NKAIN2: variants seen among roughly 807,000 people sequenced by gnomAD.
The protein encoded by NKAIN2 is sodium/potassium transporting ATPase interacting 2.
NKAIN2 carries 14 observed loss-of-function variants against 32.6 expected under a neutral mutation model. That is an observed-to-expected ratio of 0.43 (90% confidence interval 0.28 to 0.67). The LOEUF is 0.67. Ranked by LOEUF, NKAIN2 falls within the 30% of genes least tolerant of loss-of-function variation. The pLI is 0.17. For missense variants in NKAIN2, 198 were observed against 258.3 expected, an observed-to-expected ratio of 0.77 and a Z score of 1.60; for synonymous variants, 80 against 87.2, an observed-to-expected ratio of 0.92 and a Z score of 0.46.
At chr6:124,628,247 C>A (rs1217727195) in intron 3 of NKAIN2, among the ~76,000 whole-genome samples, 1 of 149,740 alleles carries the variant, frequency 6.7e-6, no homozygotes, top group African/African-American at 2.5e-5. Context: ...ATCACTCAAC[C>A]AGACATGACC....
chr6:124,805,247 G>T (rs1415228116), intron 5 of NKAIN2, among the ~76,000 whole-genome samples: 1 of 152,198 alleles, frequency 6.6e-6, no homozygotes. Flanking sequence ...CCCCCCAGTA[G>T]GGGCAGACTG....
At chr6:124,606,051 TTAAAAG>T (rs1300570855) in intron 3 of NKAIN2, among the ~76,000 whole-genome samples, 1 of 152,090 alleles carries the variant, frequency 6.6e-6, no homozygotes, top group Non-Finnish European at 1.5e-5. Context: ...AGGAAAGACT[TTAAAAG>T]TAAAGATCTG....
intron 3 of NKAIN2, among the ~76,000 whole-genome samples, chr6:124,596,666 GTGTGT>G (rs1562275983): frequency 7.1e-5 from 6 of 84,484 alleles, no homozygotes; most frequent in African/African-American, 1.8e-4. Flanking sequence ...ACCATAGGGT[GTGTGT>G]GTGTGTGTGT....
chr6:124,511,876 T>C (rs1429558091), intron 3 of NKAIN2, among the ~76,000 whole-genome samples: 1 of 152,178 alleles, frequency 6.6e-6, no homozygotes, highest in African/African-American at 2.4e-5. Flanking sequence ...TGAATAGTCA[T>C]TTGCTCATTT....
At chr6:124,764,684 C>G (rs1778431070) in intron 4 of NKAIN2, among the ~76,000 whole-genome samples, 1 of 152,114 alleles carries the variant, frequency 6.6e-6, no homozygotes, top group Non-Finnish European at 1.5e-5. Context: ...CCATCTATTT[C>G]TGTATTTATC....
At chr6:124,570,666 G>T (rs1331820722) in intron 3 of NKAIN2, among the ~76,000 whole-genome samples, 1 of 152,242 alleles carries the variant, frequency 6.6e-6, no homozygotes, top group East Asian at 1.9e-4. Context: ...GGAAAAGCCT[G>T]GATGCCCAGG....
At chr6:124,121,342 AT>A (rs1335774560) in intron 1 of NKAIN2, among the ~76,000 whole-genome samples, 1 of 152,112 alleles carries the variant, frequency 6.6e-6, no homozygotes, top group Non-Finnish European at 1.5e-5. Context: ...AATACACAAA[AT>A]AATTATAAAA....
At chr6:123,838,749 C>T (rs957412219) in intron 1 of NKAIN2, among the ~76,000 whole-genome samples, 1 of 152,096 alleles carries the variant, frequency 6.6e-6, no homozygotes, top group African/African-American at 2.4e-5. Context: ...GTCAGGGGAC[C>T]AGCGCATCTT....
chr6:123,864,942 C>T (rs1232925662), intron 1 of NKAIN2, among the ~76,000 whole-genome samples: 2 of 152,054 alleles, frequency 1.3e-5, no homozygotes, highest in Admixed American at 1.3e-4. Flanking sequence ...ATTATCTGTG[C>T]TTTTGTTGAG....
At chr6:124,107,035 G>A (rs1039822670) in intron 1 of NKAIN2, among the ~76,000 whole-genome samples, 13 of 152,262 alleles carry the variant, frequency 8.5e-5, no homozygotes, top group South Asian at 8.3e-4. Flanking sequence ...TTTTAATAGG[G>A]TAGTCAGGTA....
At chr6:124,584,849 A>G (rs143134760) in intron 3 of NKAIN2, among the ~76,000 whole-genome samples, 67 of 148,494 alleles carry the variant, frequency 4.5e-4, no homozygotes, top group Non-Finnish European at 7.8e-4. Context: ...CTCATACTCT[A>G]TTGTTGGGAA....
chr6:124,052,438 G>T (rs1195909981), intron 1 of NKAIN2, among the ~76,000 whole-genome samples: 3 of 151,968 alleles, frequency 2.0e-5, no homozygotes, highest in Non-Finnish European at 2.9e-5. Context: ...TCTTCCTGAT[G>T]ATATTAACCA....
chr6:124,342,972 C>T (rs1350949086), intron 2 of NKAIN2, among the ~76,000 whole-genome samples: 1 of 128,322 alleles, frequency 7.8e-6, no homozygotes, highest in Admixed American at 8.6e-5. Flanking sequence ...CTAATGCTAT[C>T]CCTTCCCCCT....
intron 1 of NKAIN2, among the ~76,000 whole-genome samples, chr6:123,933,067 C>T (rs528998423): frequency 1.6e-3 from 237 of 152,286 alleles, no homozygotes; most frequent in African/African-American, 5.4e-3. Context: ...CCCTGATCAT[C>T]GCAATTATCT....
At chr6:124,574,433 C>T (rs111493963) in intron 3 of NKAIN2, among the ~76,000 whole-genome samples, 2,999 of 152,078 alleles carry the variant, frequency 0.02, 96 homozygotes, top group African/African-American at 0.068. Context: ...GCCTGGCCAA[C>T]GTGGCGAAAC....
chr6:124,590,077 C>G (rs962757725), intron 3 of NKAIN2, among the ~76,000 whole-genome samples: 8 of 152,192 alleles, frequency 5.3e-5, no homozygotes, highest in Non-Finnish European at 8.8e-5. Context: ...CCATTCCTTT[C>G]TATTGTGCTG....
chr6:124,522,970 C>T (rs1779171686), intron 3 of NKAIN2, among the ~76,000 whole-genome samples: 2 of 149,336 alleles, frequency 1.3e-5, no homozygotes, highest in Non-Finnish European at 3.0e-5. Flanking sequence ...GGTGAAACCC[C>T]GTCTCTACTA....
At chr6:123,978,191 T>G (rs1042706991) in intron 1 of NKAIN2, among the ~76,000 whole-genome samples, 7 of 152,174 alleles carry the variant, frequency 4.6e-5, no homozygotes. Context: ...TTTGTCCAGT[T>G]GCAGTTGGAC....
intron 3 of NKAIN2, among the ~76,000 whole-genome samples, chr6:124,491,898 T>C (rs1777878417): frequency 6.6e-6 from 1 of 151,916 alleles, no homozygotes; most frequent in African/African-American, 2.4e-5. Flanking sequence ...AGTATCTGCA[T>C]AGGGATATGC....
Sources: allele counts gnomAD v4.1 joint callset (sites outside exome capture counted in the v4.1 genomes callset), GRCh38; gene constraint gnomAD v4.1.1; transcripts MANE v1.5; gene names NCBI Gene and HGNC (gene_info 2026-07-23, HGNC 2026-07-21).